ERCC6L2: variants seen among roughly 807,000 people sequenced by gnomAD.
The protein encoded by ERCC6L2 is ERCC excision repair 6 like 2.
Under a neutral mutation model 132.0 loss-of-function variants are expected in ERCC6L2, and 77 were observed. The ratio of observed to expected loss-of-function variants is 0.58; its 90% CI spans 0.49 to 0.71. The LOEUF (loss-of-function observed/expected upper bound fraction) is 0.71, where lower values mean the gene tolerates loss of function less well. Among genes scored for constraint, ERCC6L2 ranks in the 30% least tolerant of loss-of-function variants. The pLI is 0.00. For missense variants in ERCC6L2, 1,542 were observed against 1,837.6 expected, an observed-to-expected ratio of 0.84 and a Z score of 2.94; for synonymous variants, 583 against 632.4, an observed-to-expected ratio of 0.92 and a Z score of 1.17.
At chr9:96,032,515 C>A (rs894902873) in intron 19 of ERCC6L2, among the ~76,000 whole-genome samples, 5 of 152,262 alleles carry the variant, frequency 3.3e-5, no homozygotes, top group Admixed American at 3.3e-4. Flanking sequence ...TCCCACCACA[C>A]ACCTCCCTGG....
intron 17 of ERCC6L2, among the ~76,000 whole-genome samples, chr9:95,989,093 G>T (rs912578208): frequency 5.9e-5 from 9 of 152,198 alleles, no homozygotes; most frequent in African/African-American, 2.2e-4. Context: ...TGAGTGCTGT[G>T]CCCTCTGGGA....
chr9:96,002,185 G>A (rs924015670), intron 17 of ERCC6L2, among the ~76,000 whole-genome samples: 20 of 152,232 alleles, frequency 1.3e-4, no homozygotes, highest in African/African-American at 4.6e-4. Flanking sequence ...GTGGGGGACT[G>A]AAGGGCTCCT....
At chr9:95,999,083 G>A (rs1158801351) in intron 17 of ERCC6L2, among the ~76,000 whole-genome samples, 3 of 152,082 alleles carry the variant, frequency 2.0e-5, no homozygotes, top group Non-Finnish European at 2.9e-5. Context: ...TTTCCTGGCC[G>A]GGCGTGGTGG....
chr9:95,966,767 TCCTC>T, intron 14 of ERCC6L2, 53 bp downstream of exon 14: 1 of 1,319,762 alleles, frequency 7.6e-7, no homozygotes, highest in Non-Finnish European at 9.8e-7. Flanking sequence ...CAGTTTTTCT[TCCTC>T]AGGAAATCTG....
intron 1 of ERCC6L2, 110 bp from the exon 2 acceptor site, chr9:95,880,759 T>C (rs549975859): frequency 2.2e-6 from 2 of 894,530 alleles, no homozygotes; most frequent in Non-Finnish European, 3.4e-6. Flanking sequence ...TGTTCCAGTT[T>C]TTTGGAAAAG....
chr9:95,988,868 G>A (rs1833193186), intron 17 of ERCC6L2, among the ~76,000 whole-genome samples: 1 of 152,200 alleles, frequency 6.6e-6, no homozygotes, highest in Non-Finnish European at 1.5e-5. Flanking sequence ...CCTACAGCTT[G>A]TCAGTCACAA....
intron 6 of ERCC6L2, among the ~76,000 whole-genome samples, chr9:95,917,088 C>G (rs993935995): frequency 6.6e-6 from 1 of 152,172 alleles, no homozygotes. Context: ...TGTGTACTAT[C>G]CACCACACAG....
chr9:95,899,446 CT>C (rs1356213742), intron 3 of ERCC6L2, among the ~76,000 whole-genome samples: 1 of 151,874 alleles, frequency 6.6e-6, no homozygotes, highest in African/African-American at 2.4e-5. Context: ...AGTGAGACCC[CT>C]GTCTCAAAAA....
chr9:95,948,511 G>A (rs1473141342), intron 12 of ERCC6L2, among the ~76,000 whole-genome samples: 4 of 152,106 alleles, frequency 2.6e-5, no homozygotes, highest in Non-Finnish European at 5.9e-5. Flanking sequence ...AAATTAGCCA[G>A]GTGTGGTGGC....
intron 7 of ERCC6L2, among the ~76,000 whole-genome samples, chr9:95,921,840 G>A (rs897370515): frequency 7.9e-5 from 12 of 151,910 alleles, no homozygotes; most frequent in South Asian, 2.1e-4. Context: ...ATCTGTGTAC[G>A]TAGAGAAACC....
intron 17 of ERCC6L2, among the ~76,000 whole-genome samples, chr9:96,002,021 C>T (rs902625039): frequency 4.8e-4 from 73 of 152,368 alleles, no homozygotes; most frequent in African/African-American, 1.5e-3. Context: ...GAGTGCGGGG[C>T]GCACCAAGCC....
Position 95,915,024 on chromosome 9 carries a change from A to G in ERCC6L2, c.789-644A>G, listed in dbSNP as rs548099747. On this transcript the variant is annotated intron_variant, in intron 4 of 18. Coordinates refer to ENST00000653738, the MANE Select transcript of ERCC6L2 (RefSeq NM_020207.7). The stretch of plus-strand genomic sequence containing the variant: ...TTCAATATTTTCAATTGTAGTCAAT[A>G]TTTGTAACAATGCTCAAATATTCCA... 2.0e-5 allele frequency among the ~76,000 whole-genome samples: 3 copies of G among 152,244 alleles called. No homozygotes were observed. The South Asian group carries it at 6.2e-4, about 32-fold the overall frequency.
At chr9:96,040,500 G>A (rs527689968) in intron 20 of ERCC6L2, among the ~76,000 whole-genome samples, 2 of 152,328 alleles carry the variant, frequency 1.3e-5, no homozygotes, top group East Asian at 3.9e-4. Flanking sequence ...ATAGCCAGGC[G>A]CTGGTGCCCT....
At chr9:95,905,040 C>T (rs1231412037) in intron 3 of ERCC6L2, 3 of 152,136 alleles carry the variant, frequency 2.0e-5, no homozygotes, top group Non-Finnish European at 4.4e-5. Context: ...CACCACATCT[C>T]GTCTGATCTT....
rs1416379222 is a variant in ERCC6L2, at chr9:96,015,311, G to A, written c.*2108G>A. 6.0e-5 allele frequency among the ~76,000 whole-genome samples: 9 copies of A among 151,002 alleles called. No homozygotes were observed. The highest frequency in any genetic ancestry group is 8.8e-5 in the Non-Finnish European group (6 of 67,826). Reference sequence around the variant, plus strand: ...AGCAATTCTCCTGCCTCAGCCTCCCGAGTAGCTGGGACTACAGGTGCGTGC... The same window carrying A: ...AGCAATTCTCCTGCCTCAGCCTCCCAAGTAGCTGGGACTACAGGTGCGTGC... On this transcript the variant is annotated 3_prime_UTR_variant, in exon 19 of 19. Coordinates refer to ENST00000653738, the MANE Select transcript of ERCC6L2 (RefSeq NM_020207.7).
At chr9:95,912,885 C>T (rs1212136349) in intron 4 of ERCC6L2, among the ~76,000 whole-genome samples, 1 of 151,982 alleles carries the variant, frequency 6.6e-6, no homozygotes, top group Non-Finnish European at 1.5e-5. Context: ...TGGTTTTGGC[C>T]CAAAGGCTTA....
intron 6 of ERCC6L2, among the ~76,000 whole-genome samples, chr9:95,919,404 GACT>G (rs1298460191): frequency 6.6e-6 from 1 of 152,092 alleles, no homozygotes; most frequent in East Asian, 1.9e-4. Flanking sequence ...GCCAGTAAAG[GACT>G]ACCTTTTAAA....
intron 17 of ERCC6L2, among the ~76,000 whole-genome samples, chr9:95,992,146 CAT>C (rs1174757936): frequency 2.0e-5 from 3 of 152,164 alleles, no homozygotes; most frequent in Non-Finnish European, 4.4e-5. Flanking sequence ...AAATGTAAAA[CAT>C]AGCCACGCTT....
chr9:96,009,310 G>C (rs545415835), intron 18 of ERCC6L2, among the ~76,000 whole-genome samples: 4 of 152,218 alleles, frequency 2.6e-5, no homozygotes, highest in African/African-American at 9.6e-5. Context: ...GGATGTAGAA[G>C]TAAAACTGTC....
Sources: allele counts gnomAD v4.1 joint callset (sites outside exome capture counted in the v4.1 genomes callset), GRCh38; gene constraint gnomAD v4.1.1; transcripts MANE v1.5; gene names NCBI Gene and HGNC (gene_info 2026-07-23, HGNC 2026-07-21).